Variants in SEMA5A observed in about 807,000 individuals in gnomAD.
SEMA5A encodes the protein semaphorin 5A.
In SEMA5A, 55 loss-of-function variants were observed where a neutral mutation model predicts 135.5. That is an observed-to-expected ratio of 0.41 (90% confidence interval 0.33 to 0.51). The LOEUF (loss-of-function observed/expected upper bound fraction) is 0.51. SEMA5A is among the 20% of genes least tolerant of loss of function. The pLI is 0.37. For missense variants in SEMA5A, 1,290 were observed against 1,419.9 expected (o/e 0.91, Z 1.47); for synonymous variants, 580 against 546.5 (o/e 1.06, Z -0.85).
intron 1 of SEMA5A, among the ~76,000 whole-genome samples, chr5:9,438,201 A>G (rs954016588): frequency 1.3e-5 from 2 of 152,046 alleles, no homozygotes; most frequent in Non-Finnish European, 2.9e-5. Flanking sequence ...TTAAATTAAG[A>G]TTCATTATAT....
chr5:9,135,211 C>T (rs1262261755), intron 13 of SEMA5A, among the ~76,000 whole-genome samples: 7 of 128,824 alleles, frequency 5.4e-5, no homozygotes, highest in Non-Finnish European at 1.1e-4. Flanking sequence ...GATGGAGTTT[C>T]GCTCTGTCGC....
chr5:9,193,859 T>C (rs1417687672), intron 10 of SEMA5A, among the ~76,000 whole-genome samples: 8 of 152,214 alleles, frequency 5.3e-5, no homozygotes, highest in Non-Finnish European at 2.9e-5. Flanking sequence ...ATCGTACCAC[T>C]GTACACCAGC....
chr5:9,159,283 A>C (rs987479688), intron 11 of SEMA5A, among the ~76,000 whole-genome samples: 9 of 152,258 alleles, frequency 5.9e-5, no homozygotes, highest in African/African-American at 2.2e-4. Context: ...TGGACTCCAC[A>C]GTGAACATTA....
intron 3 of SEMA5A, among the ~76,000 whole-genome samples, chr5:9,345,059 C>T (rs1422394395): frequency 6.6e-6 from 1 of 152,158 alleles, no homozygotes; most frequent in African/African-American, 2.4e-5. Context: ...TCACCTAACA[C>T]CGGCATTTAG....
intron 16 of SEMA5A, among the ~76,000 whole-genome samples, chr5:9,091,813 C>T (rs1739050831): frequency 6.6e-6 from 1 of 152,100 alleles, no homozygotes; most frequent in Non-Finnish European, 1.5e-5. Flanking sequence ...AATGACAACC[C>T]CTCTTATTGA....
chr5:9,138,854 A>G (rs1262871042), intron 12 of SEMA5A, among the ~76,000 whole-genome samples: 2 of 152,210 alleles, frequency 1.3e-5, no homozygotes, highest in Admixed American at 1.3e-4. Context: ...AGAACATGCG[A>G]CGTTTGCTTT....
chr5:9,212,465 CTT>C (rs1264208668), intron 8 of SEMA5A, among the ~76,000 whole-genome samples: 4 of 152,164 alleles, frequency 2.6e-5, no homozygotes, highest in Non-Finnish European at 5.9e-5. Flanking sequence ...AAACACATAA[CTT>C]AATGTTCCAG....
chr5:9,217,328 T>C (rs1270973370), intron 8 of SEMA5A, among the ~76,000 whole-genome samples: 2 of 152,214 alleles, frequency 1.3e-5, no homozygotes, highest in African/African-American at 4.8e-5. Flanking sequence ...CCCAATCTCT[T>C]CTGGCTTGTA....
chr5:9,300,641 T>C (rs1722056243), intron 5 of SEMA5A, among the ~76,000 whole-genome samples: 1 of 152,188 alleles, frequency 6.6e-6, no homozygotes, highest in Non-Finnish European at 1.5e-5. Context: ...GAACCTGTAA[T>C]GGTAACCTTA....
intron 1 of SEMA5A, among the ~76,000 whole-genome samples, chr5:9,497,154 T>C (rs1279376897): frequency 3.9e-5 from 6 of 152,276 alleles, no homozygotes; most frequent in South Asian, 2.1e-4. Flanking sequence ...TCAGAAACAC[T>C]TGGGAGCTAG....
chr5:9,241,689 G>C (rs535007968), intron 5 of SEMA5A, among the ~76,000 whole-genome samples: 1 of 152,016 alleles, frequency 6.6e-6, no homozygotes, highest in Non-Finnish European at 1.5e-5. Flanking sequence ...GTTGCACACA[G>C]ACATACTACG....
chr5:9,063,755 C>T (rs1356778165), intron 17 of SEMA5A, among the ~76,000 whole-genome samples: 1 of 152,100 alleles, frequency 6.6e-6, no homozygotes, highest in Non-Finnish European at 1.5e-5. Context: ...CCCAAGGAGC[C>T]AAGAGAGGCA....
chr5:9,390,893 T>C (rs1175336881), intron 2 of SEMA5A: 1 of 152,200 alleles, frequency 6.6e-6, no homozygotes, highest in Non-Finnish European at 1.5e-5. Context: ...TTTCCTGAAA[T>C]AGACCTATAA....
chr5:9,166,892 T>C lies in SEMA5A; in HGVS notation c.1274-12197A>G, dbSNP rs189961898. Among the ~76,000 whole-genome samples, 614 of 152,340 alleles carry C rather than the reference T, an allele frequency of 4.0e-3. 1 individual carries two copies. The highest frequency in any genetic ancestry group is 6.8e-3 in the Middle Eastern group (2 of 294). On this transcript the variant is annotated intron_variant, in intron 11 of 22. Transcript: ENST00000382496. Reference sequence around the variant, plus strand: ...GAAATTACTTGCCTTAGATTTATTGTATCTAAATTACAAAACAACCACCCA... The same window carrying C: ...GAAATTACTTGCCTTAGATTTATTGCATCTAAATTACAAAACAACCACCCA...
At chr5:9,255,982 T>C (rs1749049363) in intron 5 of SEMA5A, among the ~76,000 whole-genome samples, 2 of 152,136 alleles carry the variant, frequency 1.3e-5, no homozygotes. Flanking sequence ...TCCTTGAGTC[T>C]TCTTGTTTCC....
chr5:9,258,810 T>TTTC (rs1749234956), intron 5 of SEMA5A, among the ~76,000 whole-genome samples: 1 of 128,702 alleles, frequency 7.8e-6, no homozygotes, highest in Non-Finnish European at 1.6e-5. Context: ...TTTCTTTTTT[T>TTTC]TTTTTTTTTT....
At chr5:9,386,047 A>G (rs438616) in intron 2 of SEMA5A, among the ~76,000 whole-genome samples, 82,997 of 151,806 alleles carry the variant, frequency 0.55, 23,071 homozygotes, top group Middle Eastern at 0.61. Flanking sequence ...TGATCTGCCC[A>G]CCTCAGCCTC....
intron 5 of SEMA5A, among the ~76,000 whole-genome samples, chr5:9,296,493 GTC>G (rs1751340093): frequency 6.6e-6 from 1 of 152,070 alleles, no homozygotes. Flanking sequence ...AAATAGAAAA[GTC>G]TCTGTATTCT....
intron 15 of SEMA5A, among the ~76,000 whole-genome samples, chr5:9,115,185 G>A (rs969558303): frequency 1.1e-4 from 16 of 152,194 alleles, no homozygotes; most frequent in Non-Finnish European, 1.5e-5. Context: ...GAAAGGGACA[G>A]AGAAAATACA....
Sources: gnomAD v4.1 joint callset for allele counts (sites outside exome capture counted in the v4.1 genomes callset) on GRCh38, gnomAD v4.1.1 for gene constraint, MANE v1.5 for transcripts, NCBI Gene and HGNC (gene_info 2026-07-23, HGNC 2026-07-21) for gene names.